AUH: variants seen among roughly 807,000 people sequenced by gnomAD.
AUH encodes the protein methylglutaconyl-CoA hydratase, mitochondrial.
AUH carries 29 observed loss-of-function variants against 42.3 expected under a neutral mutation model. The ratio of observed to expected loss-of-function variants is 0.69; its 90% CI spans 0.51 to 0.93. The LOEUF (loss-of-function observed/expected upper bound fraction) is 0.93. AUH is among the 40% of genes least tolerant of loss of function. AUH has a pLI of 0.00. For synonymous variants in AUH, 174 were observed against 166.4 expected (o/e 1.05, Z -0.35); for missense variants, 452 against 438.1 (o/e 1.03, Z -0.28).
chr9:91,337,398 C>G (rs558242462), intron 3 of AUH, among the ~76,000 whole-genome samples: 1 of 152,298 alleles, frequency 6.6e-6, no homozygotes, highest in Non-Finnish European at 1.5e-5. Context: ...CAACTCCCCA[C>G]AGTCCATATA....
At chr9:91,343,017 T>C (rs934832958) in intron 3 of AUH, 2 of 152,250 alleles carry the variant, frequency 1.3e-5, no homozygotes, top group Non-Finnish European at 2.9e-5. Flanking sequence ...TTAGCTTACT[T>C]TACTGTAAGA....
chr9:91,303,828 CT>C (rs1828005111), intron 4 of AUH, among the ~76,000 whole-genome samples: 1 of 152,154 alleles, frequency 6.6e-6, no homozygotes, highest in Admixed American at 6.5e-5. Flanking sequence ...TTGGCTAAAA[CT>C]TTACCTTCAT....
chr9:91,228,651 G>T (rs1320483317), intron 6 of AUH, among the ~76,000 whole-genome samples: 1 of 146,476 alleles, frequency 6.8e-6, no homozygotes, highest in Admixed American at 6.8e-5. Context: ...ATGTTAGGGT[G>T]TCAATTTTGG....
intron 7 of AUH, among the ~76,000 whole-genome samples, chr9:91,220,563 G>A (rs1410773900): frequency 6.6e-6 from 1 of 152,176 alleles, no homozygotes; most frequent in African/African-American, 2.4e-5. Flanking sequence ...GCATTGTCAA[G>A]GGATATTTTA....
At chr9:91,333,348 C>A (rs1173347281) in intron 3 of AUH, among the ~76,000 whole-genome samples, 2 of 151,572 alleles carry the variant, frequency 1.3e-5, no homozygotes, top group East Asian at 1.9e-4. Flanking sequence ...TGTCACATTT[C>A]TTTGCAACAA....
intron 6 of AUH, among the ~76,000 whole-genome samples, chr9:91,273,070 C>A (rs1311315330): frequency 6.6e-6 from 1 of 152,096 alleles, no homozygotes; most frequent in African/African-American, 2.4e-5. Context: ...TTTTGGGTGG[C>A]CCCCGAAACT....
At chr9:91,285,595 G>A (rs972933428) in intron 6 of AUH, among the ~76,000 whole-genome samples, 1 of 151,922 alleles carries the variant, frequency 6.6e-6, no homozygotes, top group Non-Finnish European at 1.5e-5. Context: ...GTTTGCTCAC[G>A]TTTCATCTCT....
chr9:91,253,469 C>T (rs1449290642), intron 6 of AUH, among the ~76,000 whole-genome samples: 3 of 152,192 alleles, frequency 2.0e-5, no homozygotes, highest in African/African-American at 7.2e-5. Context: ...TAATAAAACA[C>T]CCAAGAAGAG....
chr9:91,261,468 T>C (rs1161171310), intron 6 of AUH, among the ~76,000 whole-genome samples: 1 of 152,224 alleles, frequency 6.6e-6, no homozygotes, highest in African/African-American at 2.4e-5. Flanking sequence ...GTGTGAACTC[T>C]GGGAATTAGT....
intron 3 of AUH, among the ~76,000 whole-genome samples, chr9:91,327,319 G>T (rs1830026761): frequency 6.6e-6 from 1 of 152,160 alleles, no homozygotes; most frequent in Non-Finnish European, 1.5e-5. Context: ...AAACCGAGCT[G>T]CTGGTTTGAG....
intron 1 of AUH, among the ~76,000 whole-genome samples, chr9:91,361,113 T>G (rs931741859): frequency 6.6e-6 from 1 of 152,202 alleles, no homozygotes; most frequent in African/African-American, 2.4e-5. Context: ...TTAAATGAAG[T>G]GGAACAGTCC....
At chr9:91,317,684 G>C (rs1829262260) in intron 4 of AUH, among the ~76,000 whole-genome samples, 1 of 152,104 alleles carries the variant, frequency 6.6e-6, no homozygotes, top group Non-Finnish European at 1.5e-5. Context: ...GAATAATATA[G>C]AACAGAGGTG....
At position 91,220,900 on chromosome 9, in the gene AUH, C is replaced by T; in HGVS notation, c.748G>A (p.Ala250Thr). Reference sequence around the variant, plus strand: ...AGAACGTGGCTGATTAAGCCCACTGCTTTGGCTTCTTTGCCATCGAGGACT... The same window carrying T: ...AGAACGTGGCTGATTAAGCCCACTGTTTTGGCTTCTTTGCCATCGAGGACT... ...ARVLDGKEAK[A>T]VGLISHVLEQ... Residue 250 changes from alanine (A) to threonine (T), a missense_variant, in exon 7 of 10, where the codon GCA (alanine) becomes ACA (threonine). Transcript: ENST00000375731. The T allele has an allele frequency of 6.2e-7, 1 of 1,614,262 alleles. No individual in the cohort carries two copies. Among genetic ancestry groups the T allele is most frequent in the Non-Finnish European group, 8.5e-7 (1 of 1,180,052 alleles).
chr9:91,273,511 T>C (rs1329457760), intron 6 of AUH, among the ~76,000 whole-genome samples: 4 of 152,194 alleles, frequency 2.6e-5, no homozygotes, highest in African/African-American at 9.7e-5. Context: ...GTGAAAATAG[T>C]TGAAAAACTA....
At chr9:91,294,624 G>A in intron 6 of AUH, 1 of 446,874 alleles carries the variant, frequency 2.2e-6, no homozygotes, top group Non-Finnish European at 4.5e-6. Context: ...TATGGATCTG[G>A]GCAAATTAAA....
At chr9:91,281,790 C>G (rs1825983626) in intron 6 of AUH, among the ~76,000 whole-genome samples, 1 of 152,056 alleles carries the variant, frequency 6.6e-6, no homozygotes, top group African/African-American at 2.4e-5. Context: ...TAAACCATAC[C>G]CCACTACTTT....
intron 7 of AUH, 24 bp downstream of exon 7, chr9:91,220,781 A>G (rs1160026392): frequency 5.0e-6 from 8 of 1,611,988 alleles, no homozygotes; most frequent in Admixed American, 1.7e-5. Context: ...ATGAGAAAAA[A>G]TAAACTCATT....
intron 6 of AUH, among the ~76,000 whole-genome samples, chr9:91,283,080 C>G (rs1367780787): frequency 6.6e-6 from 1 of 151,780 alleles, no homozygotes; most frequent in Non-Finnish European, 1.5e-5. Flanking sequence ...ACTGGCAAAA[C>G]GAATCCAGCA....
At chr9:91,339,832 C>T (rs970976580) in intron 3 of AUH, among the ~76,000 whole-genome samples, 4 of 152,088 alleles carry the variant, frequency 2.6e-5, no homozygotes, top group Non-Finnish European at 5.9e-5. Context: ...TGTGACTGTC[C>T]CTGTTTTCTT....
Sources: gnomAD v4.1 joint callset for allele counts (sites outside exome capture counted in the v4.1 genomes callset) on GRCh38, gnomAD v4.1.1 for gene constraint, MANE v1.5 for transcripts, NCBI Gene and HGNC (gene_info 2026-07-23, HGNC 2026-07-21) for gene names.